The following PLCD4 variants were observed in gnomAD, a reference collection of about 807,000 sequenced individuals.
The protein encoded by PLCD4 is phospholipase C delta 4.
A neutral mutation model predicts 90.2 loss-of-function variants in PLCD4; 63 were observed. That is an observed-to-expected ratio of 0.70 (90% CI 0.57 to 0.86). The LOEUF is 0.86. PLCD4 is among the 40% of genes least tolerant of loss of function. PLCD4 has a pLI of 0.00. For synonymous variants in PLCD4, 294 were observed against 356.5 expected (o/e 0.82, Z 1.97); for missense variants, 830 against 956.3 (o/e 0.87, Z 1.74).
In PLCD4 at chr2:218,615,563, A is replaced by G. The variant is rs1021711893; in HGVS notation, c.-33-144A>G. 1.6e-5 allele frequency: 10 copies of G among 613,162 alleles called. No individual in the cohort carries two copies. The Admixed American group carries it at 2.3e-4, about 14-fold the overall frequency. 38.0% of individuals were successfully genotyped at this position (613,162 alleles called of 1,614,324 possible). On this transcript the variant is annotated intron_variant, in intron 1 of 15. Transcript: ENST00000450993. ...TGGGATCAGACATATCTTGGTTTAA[A>G]TTCTGATCCTTATGTGATTTGAGGC...
intron 3 of PLCD4, among the ~76,000 whole-genome samples, chr2:218,617,412 A>C (rs1323436653): frequency 1.3e-5 from 2 of 151,252 alleles, no homozygotes; most frequent in Admixed American, 1.3e-4. Context: ...CCCCATCTCT[A>C]CTAGAAATAC....
Position 218,636,646 on chromosome 2 carries a change from G to C in PLCD4, c.*69G>C, listed in dbSNP as rs1027531894. The C allele has an allele frequency of 2.5e-5, 37 of 1,481,060 alleles. No individual in the cohort carries two copies. The highest frequency in any genetic ancestry group is 3.1e-5 in the Non-Finnish European group (33 of 1,075,720). 91.7% of individuals were successfully genotyped at this position (1,481,060 alleles called of 1,614,324 possible). On this transcript the variant is annotated 3_prime_UTR_variant, in exon 16 of 16. Coordinates refer to ENST00000450993, the MANE Select transcript of PLCD4 (RefSeq NM_032726.4). Reference sequence around the variant, plus strand: ...GGGAGAAACATCTGGAAGGATGCTCGAGAGAACAAATGGAGGTGGTGAAAA... The same window carrying C: ...GGGAGAAACATCTGGAAGGATGCTCCAGAGAACAAATGGAGGTGGTGAAAA...
Position 218,634,101 on chromosome 2 carries a change from A to G in PLCD4, c.1607-4A>G. Reference sequence around the variant, plus strand: ...TCCATCTCCCTCTCTATACCCTTTTACAGGCAATGAGTTTGTGCAGCACAA... The same window carrying G: ...TCCATCTCCCTCTCTATACCCTTTTGCAGGCAATGAGTTTGTGCAGCACAA... On this transcript the variant is annotated splice_region_variant and splice_polypyrimidine_tract_variant and intron_variant, in intron 11 of 15. Coordinates refer to ENST00000450993, the MANE Select transcript of PLCD4 (RefSeq NM_032726.4). The surrounding 1 kb of genome is among the most constrained non-coding windows in gnomAD (Gnocchi z 4.0). The G allele has an allele frequency of 6.2e-7, 1 of 1,605,870 alleles. No homozygotes were observed. The highest frequency in any genetic ancestry group is 8.5e-7 in the Non-Finnish European group (1 of 1,176,106).
chr2:218,619,203 T>C (rs1364589721), intron 4 of PLCD4, among the ~76,000 whole-genome samples: 2 of 152,246 alleles, frequency 1.3e-5, no homozygotes, highest in East Asian at 3.9e-4. Context: ...TTCATTCATT[T>C]ATTCATTCAT....
rs3731868 is a variant in PLCD4, at chr2:218,608,124, G to A, written c.-34+54G>A. 3.3e-5 allele frequency: 5 copies of A among 152,538 alleles called. No homozygotes were observed. In the East Asian group the frequency reaches 9.6e-4, roughly 29 times the overall value. 9.4% of individuals were successfully genotyped at this position (152,538 alleles called of 1,614,324 possible). ...CTGCTCTAAGCTCTGTCTTCCCTGA[G>A]TCCCTACCTCTGCCCTCTAGATGCT... On this transcript the variant is annotated intron_variant, in intron 1 of 15. Coordinates refer to ENST00000450993, the MANE Select transcript of PLCD4 (RefSeq NM_032726.4).
At chr2:218,616,501 C>T (rs1199746502) in intron 3 of PLCD4, among the ~76,000 whole-genome samples, 1 of 151,938 alleles carries the variant, frequency 6.6e-6, no homozygotes, top group Non-Finnish European at 1.5e-5. Context: ...TTCTTGAGAC[C>T]AGAAGTTCAA....
chr2:218,609,074 C>T (rs1695216059), intron 1 of PLCD4, among the ~76,000 whole-genome samples: 1 of 149,854 alleles, frequency 6.7e-6, no homozygotes. Flanking sequence ...CCCCGGGGGG[C>T]GGAGCCTGCA....
At position 218,634,165 on chromosome 2, in the gene PLCD4, G is replaced by A. The variant is rs371822448; in HGVS notation, c.1667G>A (p.Arg556Lys). Reference protein sequence around the residue: ...QLSRVYPSGLRTDSSNYNPQE... With the variant: ...QLSRVYPSGLKTDSSNYNPQE... ...AGCCGTGTGTATCCCAGCGGCCTGA[G>A]GACAGACTCTTCCAACTACAACCCC... is the stretch of plus-strand genomic sequence containing the variant. The change falls in exon 12 of 16, where the codon AGG (arginine) becomes AAG (lysine). Residue 556 changes from arginine (R) to lysine (K), a missense_variant. Physicochemically the swap from Arg to Lys is conservative, Grantham distance 26 (BLOSUM62 2). Coordinates refer to ENST00000450993, the MANE Select transcript of PLCD4 (RefSeq NM_032726.4). This position sits in a 1 kb window ranked among gnomAD's most constrained non-coding sequence, Gnocchi z 4.0. 4 of 1,612,676 alleles carry A rather than the reference G, an allele frequency of 2.5e-6. No homozygotes were observed. The highest frequency in any genetic ancestry group is 3.4e-6 in the Non-Finnish European group (4 of 1,179,428).
intron 1 of PLCD4, among the ~76,000 whole-genome samples, chr2:218,612,749 C>T (rs535531335): frequency 1.1e-4 from 16 of 151,636 alleles, no homozygotes; most frequent in East Asian, 3.9e-4. Context: ...TCCAGCCTGG[C>T]GACAGAGCAA....
intron 11 of PLCD4, 43 bp downstream of exon 11, chr2:218,633,804 T>C (rs1575041230): frequency 1.9e-6 from 3 of 1,605,086 alleles, no homozygotes; most frequent in East Asian, 4.5e-5. Context: ...GTGGGATGGA[T>C]AGGTTCAGGC....
intron 4 of PLCD4, among the ~76,000 whole-genome samples, 192 bp from the exon 5 acceptor site, chr2:218,621,278 G>C (rs1695866871): frequency 6.6e-6 from 1 of 152,198 alleles, no homozygotes; most frequent in Non-Finnish European, 1.5e-5. Context: ...CCCTGCAGGT[G>C]CCTGGGCCAT....
rs1559268562 is a variant in PLCD4 at position 218,622,730 on chromosome 2, G to A, written c.624G>A (p.Val208=). 3.7e-6 allele frequency: 6 copies of A among 1,614,046 alleles called. No homozygotes were observed. Among genetic ancestry groups the A allele is most frequent in the East Asian group, 2.2e-5 (1 of 44,882 alleles). Residue 208 remains valine, a synonymous_variant, in exon 6 of 16, where the codon GTG becomes GTA. Coordinates refer to ENST00000450993, the MANE Select transcript of PLCD4 (RefSeq NM_032726.4). ...AGGCATTGACTAAACGTGCTGAGGT[G>A]CAGGAACTGTTTGAAAGTTTTTCAG... is the stretch of plus-strand genomic sequence containing the variant. ...FYKALTKRAE[V]QELFESFSAD...
In PLCD4 at chr2:218,629,613, C is replaced by T. The variant is rs747004820; in HGVS notation, c.1069C>T (p.Arg357Cys). 5.0e-6 allele frequency: 8 copies of T among 1,613,484 alleles called. No individual in the cohort carries two copies. Among genetic ancestry groups the T allele is most frequent in the East Asian group, 4.5e-5 (2 of 44,854 alleles). The part of the protein sequence containing the change: ...VVYHGHTLTS[R>C]ILFKDVVATV... ...TTACCACGGACACACCCTGACCTCC[C>T]GCATCCTGTTCAAAGATGTCGTGGC... The change falls in exon 8 of 16, where the codon CGC becomes TGC. Residue 357 changes from arginine (R) to cysteine (C), a missense_variant. Transcript: ENST00000450993.
rs1695544920 is a variant in PLCD4, at chr2:218,615,694, C to T, written c.-33-13C>T. On this transcript the variant is annotated splice_polypyrimidine_tract_variant and intron_variant, in intron 1 of 15. Coordinates refer to ENST00000450993, the MANE Select transcript of PLCD4 (RefSeq NM_032726.4). ...ATTCACCCAGAGCCCTTTGCTCTTC[C>T]TTGCTCCTTTAGGTGATCTGGTGCC... 6.4e-7 allele frequency: 1 copy of T among 1,562,080 alleles called. No homozygotes were observed. The highest frequency in any genetic ancestry group is 8.6e-7 in the Non-Finnish European group (1 of 1,156,580).
At chr2:218,623,000 C>A (rs1695953776) in intron 6 of PLCD4, 122 bp downstream of exon 6, 2 of 811,736 alleles carry the variant, frequency 2.5e-6, no homozygotes, top group Admixed American at 2.6e-5. Context: ...TATCCTGACC[C>A]CTGCCCAATC....
intron 7 of PLCD4, 82 bp from the exon 8 acceptor site, chr2:218,629,437 C>A: frequency 1.3e-6 from 2 of 1,519,468 alleles, no homozygotes; most frequent in Non-Finnish European, 1.8e-6. Context: ...GAGCACTGTT[C>A]TCTCCAGAGT....
chr2:218,636,203 G>A (rs764687400), intron 14 of PLCD4, 40 bp from the exon 15 acceptor site: 106 of 1,588,418 alleles, frequency 6.7e-5, no homozygotes, highest in Non-Finnish European at 8.9e-5. Flanking sequence ...CAAGAAAACT[G>A]TCATAATGTC....
intron 7 of PLCD4, 36 bp downstream of exon 7, chr2:218,628,266 G>C: frequency 6.3e-7 from 1 of 1,589,184 alleles, no homozygotes; most frequent in South Asian, 1.1e-5. Context: ...CAACTCATGA[G>C]AGGGACCATG....
intron 4 of PLCD4, among the ~76,000 whole-genome samples, chr2:218,620,880 C>T (rs539550119): frequency 3.3e-4 from 37 of 111,520 alleles, no homozygotes; most frequent in Non-Finnish European, 5.3e-4. Context: ...GGTGACGGAG[C>T]GAGACTCTGT....
Sources: allele counts gnomAD v4.1 joint callset (sites outside exome capture counted in the v4.1 genomes callset), GRCh38; gene constraint gnomAD v4.1.1; non-coding constraint Gnocchi (gnomAD v3.1); transcripts MANE v1.5; gene names NCBI Gene and HGNC (gene_info 2026-07-23, HGNC 2026-07-21).